The following ZBTB43 variants were observed in gnomAD, a reference collection of about 807,000 sequenced individuals.
The protein encoded by ZBTB43 is zinc finger and BTB domain-containing protein 43.
Under a neutral mutation model 31.1 loss-of-function variants are expected in ZBTB43, and 6 were observed. The observed-to-expected ratio is 0.19, with a 90% CI of 0.11 to 0.38. The LOEUF is 0.38. Ranked by LOEUF, ZBTB43 falls within the 10% of genes least tolerant of loss-of-function variation. The pLI, the probability that ZBTB43 is intolerant of heterozygous loss-of-function variation, is 1.00. For missense variants in ZBTB43, 379 were observed against 602.1 expected (o/e 0.63, Z 3.88); for synonymous variants, 212 against 221.7 (o/e 0.96, Z 0.39).
intron 2 of ZBTB43, among the ~76,000 whole-genome samples, chr9:126,819,705 T>C (rs1042255321): frequency 6.6e-6 from 1 of 152,112 alleles, no homozygotes; most frequent in East Asian, 1.9e-4. Context: ...GCTTCTTACT[T>C]GAAATCAAAA....
Position 126,833,006 on chromosome 9 carries a change from C to T in ZBTB43, c.497C>T (p.Pro166Leu), listed in dbSNP as rs1449605182. The T allele has an allele frequency of 1.2e-6, 2 of 1,613,664 alleles. No individual in the cohort carries two copies. Among genetic ancestry groups the T allele is most frequent in the Non-Finnish European group, 1.7e-6 (2 of 1,180,032 alleles). ...ELGSGGHTDFPKAQELRDGEN... is the reference protein window; with the variant it reads ...ELGSGGHTDFLKAQELRDGEN... Reference sequence around the variant, plus strand: ...GGCTCTGGGGGTCATACTGATTTTCCCAAAGCCCAAGAACTGAGAGATGGT... The same window carrying T: ...GGCTCTGGGGGTCATACTGATTTTCTCAAAGCCCAAGAACTGAGAGATGGT... Residue 166 changes from proline to leucine, a missense_variant, in exon 3 of 3, where the codon CCC (proline) becomes CTC (leucine). This residue lies in a region of ZBTB43 where 253 missense variants were observed against 322.3 expected (regional missense o/e 0.79). Transcript: ENST00000373464. The surrounding 1 kb of genome is among the most constrained non-coding windows in gnomAD (Gnocchi z 7.9).
At chr9:126,810,458 G>T (rs909641131) in intron 2 of ZBTB43, among the ~76,000 whole-genome samples, 61 of 148,082 alleles carry the variant, frequency 4.1e-4, no homozygotes, top group Non-Finnish European at 4.4e-5. Context: ...CTCCCAAAGT[G>T]CTGGGATTAC....
At chr9:126,819,616 G>A (rs7868826) in intron 2 of ZBTB43, among the ~76,000 whole-genome samples, 1 of 150,754 alleles carries the variant, frequency 6.6e-6, no homozygotes, top group East Asian at 1.9e-4. Context: ...TCCCTATTAC[G>A]TGATACACAA....
intron 2 of ZBTB43, among the ~76,000 whole-genome samples, chr9:126,821,368 T>C (rs756533824): frequency 1.1e-4 from 16 of 151,948 alleles, no homozygotes; most frequent in Non-Finnish European, 1.6e-4. Context: ...AGAGCAAGAC[T>C]CTGTCTTTAA....
intron 2 of ZBTB43, among the ~76,000 whole-genome samples, chr9:126,822,103 G>T (rs933661276): frequency 6.6e-6 from 1 of 151,330 alleles, no homozygotes; most frequent in East Asian, 1.9e-4. Flanking sequence ...GTGCTCGCCC[G>T]CCTGGGCCTC....
In ZBTB43 at chr9:126,835,150, A is replaced by G. The variant is rs2032852914; in HGVS notation, c.*1237A>G. On this transcript the variant is annotated 3_prime_UTR_variant, in exon 3 of 3. Transcript: ENST00000373464. ...AGTCCTAAGTTTAGCAAGGTAGTCT[A>G]CAGAACCATGCTCCCACATTATAGA... 1 of 167,092 alleles carries G rather than the reference A, an allele frequency of 6.0e-6. No individual in the cohort carries two copies. Among genetic ancestry groups the G allele is most frequent in the African/African-American group, 2.4e-5 (1 of 41,458 alleles). The allele number at this position is 167,092 out of a possible 1,614,324, so 10.4% of individuals were successfully genotyped here.
chr9:126,819,507 A>G (rs1001251815), intron 2 of ZBTB43, among the ~76,000 whole-genome samples: 1 of 152,054 alleles, frequency 6.6e-6, no homozygotes, highest in African/African-American at 2.4e-5. Context: ...AGGCACCACA[A>G]ACCACACCCA....
rs1417973247 is a variant in ZBTB43, at chr9:126,836,037, G to A, written c.*2124G>A. 2 of 167,026 alleles carry A rather than the reference G, an allele frequency of 1.2e-5. No homozygotes were observed. The highest frequency in any genetic ancestry group is 3.8e-4 in the East Asian group (2 of 5,196). 10.3% of individuals were successfully genotyped at this position (167,026 alleles called of 1,614,324 possible). ...CCAAAAACTGATCACCCTCTCCCAT[G>A]GTATTAGCAGAGCATTTTCTGCCTG... On this transcript the variant is annotated 3_prime_UTR_variant, in exon 3 of 3. Transcript: ENST00000373464.
At position 126,833,353 on chromosome 9, in the gene ZBTB43, G is replaced by C; in HGVS notation, c.844G>C (p.Val282Leu). Reference protein sequence around the residue: ...SINTVQTEHTVQPSGVEEDFH... With the variant: ...SINTVQTEHTLQPSGVEEDFH... ...CAACACCGTGCAGACAGAGCACACG[G>C]TGCAGCCTTCGGGAGTGGAGGAGGA... The change falls in exon 3 of 3, where the codon GTG becomes CTG. Residue 282 changes from valine (V) to leucine (L), a missense_variant. Physicochemically the swap from Val to Leu is conservative, Grantham distance 32 (BLOSUM62 1). Around this residue, in one of 5 missense-constraint regions of ZBTB43, gnomAD observed 253 missense variants for 322.3 expected, o/e 0.79. Coordinates refer to ENST00000373464, the MANE Select transcript of ZBTB43 (RefSeq NM_014007.4). The surrounding 1 kb of genome is among the most constrained non-coding windows in gnomAD (Gnocchi z 7.9). 1.2e-6 allele frequency: 2 copies of C among 1,613,176 alleles called. No homozygotes were observed. Among genetic ancestry groups the C allele is most frequent in the Non-Finnish European group, 1.7e-6 (2 of 1,179,564 alleles).
upstream of ZBTB43, among the ~76,000 whole-genome samples, chr9:126,804,740 C>T (rs2032082777): frequency 6.6e-6 from 1 of 152,254 alleles, no homozygotes; most frequent in Non-Finnish European, 1.5e-5. Context: ...CCCTCTCGGC[C>T]TCCCAAAGTG....
chr9:126,822,053 C>T (rs2032524932), intron 2 of ZBTB43, among the ~76,000 whole-genome samples: 1 of 152,016 alleles, frequency 6.6e-6, no homozygotes, highest in Non-Finnish European at 1.5e-5. Context: ...GACAGGGTTT[C>T]ACCATGTTGG....
intron 2 of ZBTB43, among the ~76,000 whole-genome samples, chr9:126,826,955 A>G (rs1385314630): frequency 6.6e-6 from 1 of 152,094 alleles, no homozygotes; most frequent in East Asian, 1.9e-4. Flanking sequence ...TGTACTGTAT[A>G]TTCCTTTTTC....
At chr9:126,810,265 G>A (rs113740623) in intron 2 of ZBTB43, among the ~76,000 whole-genome samples, 2,109 of 152,100 alleles carry the variant, frequency 0.014, 53 homozygotes, top group African/African-American at 0.048. Flanking sequence ...CAGAATCTCC[G>A]CTCACTGCAA....
intron 2 of ZBTB43, among the ~76,000 whole-genome samples, chr9:126,813,488 C>T (rs2032295436): frequency 6.6e-6 from 1 of 152,122 alleles, no homozygotes; most frequent in Non-Finnish European, 1.5e-5. Context: ...CTCATTGTCA[C>T]TCATAGAAGG....
chr9:126,816,925 T>G (rs2032398837), intron 2 of ZBTB43, among the ~76,000 whole-genome samples: 3 of 152,090 alleles, frequency 2.0e-5, no homozygotes, highest in African/African-American at 7.2e-5. Flanking sequence ...ACCTTTGGTA[T>G]CCTAATACCA....
rs1327509563 is a variant in ZBTB43 at position 126,832,518 on chromosome 9, T to C, written c.9T>C (p.Pro3=). ME[P]GTNSFRVEFP... is the part of the protein sequence containing the mutation. ...ACAAGATTTGTGATGAAATGGAGCC[T>C]GGAACAAACTCTTTTCGGGTAGAAT... Residue 3 remains proline (P), a synonymous_variant, in exon 3 of 3, where the codon CCT becomes CCC. Transcript: ENST00000373464. The C allele has an allele frequency of 2.5e-6, 4 of 1,604,458 alleles. No homozygotes were observed. The highest frequency in any genetic ancestry group is 3.4e-6 in the Non-Finnish European group (4 of 1,172,142).
At chr9:126,814,304 A>C (rs2032317216) in intron 2 of ZBTB43, among the ~76,000 whole-genome samples, 2 of 151,756 alleles carry the variant, frequency 1.3e-5, no homozygotes, top group Non-Finnish European at 3.0e-5. Context: ...AAATTTTTAC[A>C]GATGAAATTT....
At position 126,832,776 on chromosome 9, in the gene ZBTB43, T is replaced by C; in HGVS notation, c.267T>C (p.Tyr89=). The change falls in exon 3 of 3, where the codon TAT becomes TAC. Residue 89 remains tyrosine (Y), a synonymous_variant. Transcript: ENST00000373464. The stretch of plus-strand genomic sequence containing the variant: ...TTGAGAACATTCTCCTATCTAGTTA[T>C]ACAGGACGTCTAGTAATGCCCGCTC... The part of the protein sequence containing the change: ...RVFENILLSS[Y]TGRLVMPAPE... 1.2e-6 allele frequency: 2 copies of C among 1,614,178 alleles called. No individual in the cohort carries two copies. The highest frequency in any genetic ancestry group is 2.2e-5 in the East Asian group (1 of 44,874).
chr9:126,813,326 A>G (rs1248523192), intron 2 of ZBTB43, among the ~76,000 whole-genome samples: 2 of 152,166 alleles, frequency 1.3e-5, no homozygotes, highest in Admixed American at 6.5e-5. Context: ...TTGAAATCCT[A>G]TAATTAGCTT....
Sources: gnomAD v4.1 joint callset for allele counts (sites outside exome capture counted in the v4.1 genomes callset) on GRCh38, gnomAD v4.1.1 for gene constraint, gnomAD v4.1.1 regional missense constraint, Gnocchi (gnomAD v3.1) non-coding constraint, MANE v1.5 for transcripts, NCBI Gene and HGNC (gene_info 2026-07-23, HGNC 2026-07-21) for gene names.